The following DMGDH variants were observed in gnomAD, a reference collection of about 807,000 sequenced individuals.
The protein encoded by DMGDH is dimethylglycine dehydrogenase, mitochondrial.
DMGDH carries 76 observed loss-of-function variants against 95.2 expected under a neutral mutation model. The observed-to-expected ratio is 0.80, with a 90% CI of 0.66 to 0.97. The LOEUF (loss-of-function observed/expected upper bound fraction) is 0.97, where lower values mean the gene tolerates loss of function less well. Ranked by LOEUF, DMGDH falls within the 50% of genes least tolerant of loss-of-function variation. The pLI, the probability that DMGDH is intolerant of heterozygous loss-of-function variation, is 0.00. For synonymous variants in DMGDH, 345 were observed against 377.6 expected, an observed-to-expected ratio of 0.91 and a Z score of 1.00; for missense variants, 987 against 1,055.0, an observed-to-expected ratio of 0.94 and a Z score of 0.89.
At chr5:79,042,194 T>G in intron 7 of DMGDH, 89 bp downstream of exon 7, 1 of 1,261,356 alleles carries the variant, frequency 7.9e-7, no homozygotes, top group Non-Finnish European at 1.1e-6. Context: ...GCCTCCCACA[T>G]TTCCCTTTTG....
At chr5:79,052,566 T>C (rs1037625270) in intron 4 of DMGDH, among the ~76,000 whole-genome samples, 7 of 152,244 alleles carry the variant, frequency 4.6e-5, no homozygotes, top group Non-Finnish European at 1.0e-4. Context: ...TGTTTTATAA[T>C]GGATAGGACC....
intron 15 of DMGDH, among the ~76,000 whole-genome samples, chr5:78,999,346 T>C (rs566105802): frequency 6.6e-6 from 1 of 152,332 alleles, no homozygotes; most frequent in South Asian, 2.1e-4. Flanking sequence ...TTTTCTTTTG[T>C]TTGAGACAGA....
intron 7 of DMGDH, among the ~76,000 whole-genome samples, chr5:79,041,356 G>A (rs1355663176): frequency 6.6e-6 from 1 of 152,136 alleles, no homozygotes; most frequent in Non-Finnish European, 1.5e-5. Flanking sequence ...AAATAAAATG[G>A]GGAAGAAAAA....
chr5:79,060,782 G>C (rs1755180163), intron 2 of DMGDH, among the ~76,000 whole-genome samples: 1 of 151,930 alleles, frequency 6.6e-6, no homozygotes, highest in Non-Finnish European at 1.5e-5. Context: ...AGCTGGGTGT[G>C]GTGGTGCGCA....
Position 79,044,421 on chromosome 5 carries a change from C to G in DMGDH, c.877G>C (p.Asp293His). ...ALKRELPVLR[D>H]LEGSYYLRQE... is the part of the protein sequence containing the mutation. ...CGGAGATAATATGATCCTTCCAGGT[C>G]ACGGAGCACAGGCAGTTCTCGTTTC... is the stretch of plus-strand genomic sequence containing the variant. Residue 293 changes from aspartate (D) to histidine (H), a missense_variant, in exon 6 of 16, where the codon GAC becomes CAC. By Grantham distance (81) the Asp-to-His change is moderately conservative. Coordinates refer to ENST00000255189, the MANE Select transcript of DMGDH (RefSeq NM_013391.3). 1 of 1,614,160 alleles carries G rather than the reference C, an allele frequency of 6.2e-7. No individual in the cohort carries two copies. The highest frequency in any genetic ancestry group is 8.5e-7 in the Non-Finnish European group (1 of 1,180,030).
rs181803680 is a variant in DMGDH, at chr5:79,024,696, A to G, written c.2191-366T>C. On this transcript the variant is annotated intron_variant, in intron 13 of 15. Transcript: ENST00000255189. ...GTTTTGAAAAGTTATTAAACAATTT[A>G]CTTATCTTACAATTCACCAAGAATC... 2.8e-4 allele frequency among the ~76,000 whole-genome samples: 42 copies of G among 152,384 alleles called. 1 individual carries two copies. The East Asian group carries it at 8.1e-3, about 29-fold the overall frequency.
chr5:78,998,332 G>A, intron 15 of DMGDH, 35 bp from the exon 16 acceptor site: 1 of 1,584,376 alleles, frequency 6.3e-7, no homozygotes, highest in Non-Finnish European at 8.6e-7. Flanking sequence ...TCAGCATCTT[G>A]GTCACAGCTC....
At chr5:79,028,407 T>G (rs1425722980) in intron 12 of DMGDH, 26 bp downstream of exon 12, 3 of 1,559,932 alleles carry the variant, frequency 1.9e-6, no homozygotes, top group Non-Finnish European at 1.8e-6. Flanking sequence ...TTCAGAGACT[T>G]AGTCCAGGTT....
intron 5 of DMGDH, among the ~76,000 whole-genome samples, chr5:79,048,212 T>G (rs1344080975): frequency 1.3e-5 from 2 of 152,142 alleles, no homozygotes; most frequent in Non-Finnish European, 2.9e-5. Context: ...ATTAGCTTAT[T>G]TACTACCCAT....
chr5:79,026,621 A>C (rs2112620113), intron 12 of DMGDH, 40 bp from the exon 13 acceptor site: 1 of 1,613,704 alleles, frequency 6.2e-7, no homozygotes, highest in South Asian at 1.1e-5. Flanking sequence ...GGCAAGAACA[A>C]TGATCACTAG....
At chr5:79,034,405 G>A (rs1315839153) in intron 7 of DMGDH, among the ~76,000 whole-genome samples, 2 of 152,104 alleles carry the variant, frequency 1.3e-5, no homozygotes, top group African/African-American at 4.8e-5. Flanking sequence ...AACACGATGC[G>A]GAAAATAAAG....
In DMGDH at chr5:79,001,131, A is replaced by G. The variant is rs112540483; in HGVS notation, c.2386-2834T>C. 1.6e-4 allele frequency: 86 copies of G among 551,546 alleles called. 3 individuals carry two copies. The highest frequency in any genetic ancestry group is 1.4e-3 in the African/African-American group (73 of 51,712). The allele number at this position is 551,546 out of a possible 1,614,324, so 34.2% of individuals were successfully genotyped here. On this transcript the variant is annotated intron_variant, in intron 15 of 15. Transcript: ENST00000255189. The stretch of plus-strand genomic sequence containing the variant: ...GTCCCCCTCAGCCATGTAGCCCTGG[A>G]AGCAGCTCTGCGGCTGCACCTAATC...
intron 5 of DMGDH, among the ~76,000 whole-genome samples, chr5:79,046,098 G>C (rs1580216370): frequency 7.6e-6 from 1 of 131,374 alleles, no homozygotes; most frequent in East Asian, 2.5e-4. Flanking sequence ...GTTTTGTTTT[G>C]TTTTTTGAGA....
chr5:79,005,258 G>A lies in DMGDH; in HGVS notation c.2385+15C>T. 1.2e-6 allele frequency: 2 copies of A among 1,613,170 alleles called. No individual in the cohort carries two copies. Among genetic ancestry groups the A allele is most frequent in the Non-Finnish European group, 1.7e-6 (2 of 1,179,772 alleles). Reference sequence around the variant, plus strand: ...AGATGCCACAGCCCCTGGCAGTGAGGTCCTCAGCACTCACCTTGCCATTGT... The same window carrying A: ...AGATGCCACAGCCCCTGGCAGTGAGATCCTCAGCACTCACCTTGCCATTGT... On this transcript the variant is annotated intron_variant, in intron 15 of 15. Coordinates refer to ENST00000255189, the MANE Select transcript of DMGDH (RefSeq NM_013391.3).
At chr5:79,065,154 C>T (rs1342993537) in intron 1 of DMGDH, among the ~76,000 whole-genome samples, 2 of 152,110 alleles carry the variant, frequency 1.3e-5, no homozygotes, top group African/African-American at 4.8e-5. Context: ...CAAATCTTGT[C>T]CCACTGGAAG....
chr5:79,069,643 C>T lies in DMGDH; in HGVS notation c.-23G>A. On this transcript the variant is annotated 5_prime_UTR_variant, in exon 1 of 16. Transcript: ENST00000255189. ...CATGACTAGGCCGAGGCCGAGGGCG[C>T]AGGCGCCTGCTCCGAGGCCAGCGGG... 1 of 1,341,060 alleles carries T rather than the reference C, an allele frequency of 7.5e-7. No homozygotes were observed. 83.1% of individuals were successfully genotyped at this position (1,341,060 alleles called of 1,614,324 possible).
At chr5:79,004,549 G>A (rs1208883148) in intron 15 of DMGDH, among the ~76,000 whole-genome samples, 1 of 152,112 alleles carries the variant, frequency 6.6e-6, no homozygotes, top group African/African-American at 2.4e-5. Flanking sequence ...TCCCACATAT[G>A]CCTGCTAACA....
At chr5:79,010,956 A>C (rs1753639059) in intron 14 of DMGDH, among the ~76,000 whole-genome samples, 1 of 152,166 alleles carries the variant, frequency 6.6e-6, no homozygotes, top group Non-Finnish European at 1.5e-5. Context: ...CTTCTCATTT[A>C]GAATGGATTT....
chr5:79,030,034 C>T lies in DMGDH; in HGVS notation c.1684G>A (p.Val562Met). The T allele has an allele frequency of 3.1e-6, 5 of 1,611,170 alleles. No individual in the cohort carries two copies. Among genetic ancestry groups the T allele is most frequent in the Non-Finnish European group, 3.4e-6 (4 of 1,179,068 alleles). Residue 562 changes from valine to methionine, a missense_variant and splice_region_variant, in exon 11 of 16, where the codon GTG becomes ATG. Val to Met is a conservative substitution (Grantham distance 21). Coordinates refer to ENST00000255189, the MANE Select transcript of DMGDH (RefSeq NM_013391.3). The stretch of plus-strand genomic sequence containing the variant: ...ATGTGACTTATATTTGTAAAACCCA[C>T]CTACATAAAAAAATTAAAAATTACC... ...DHLFANVIPK[V>M]GFTNISHMLT...
Sources: allele counts gnomAD v4.1 joint callset (sites outside exome capture counted in the v4.1 genomes callset), GRCh38; gene constraint gnomAD v4.1.1; transcripts MANE v1.5; gene names NCBI Gene and HGNC (gene_info 2026-07-23, HGNC 2026-07-21).